MLIP: variants seen among roughly 807,000 people sequenced by gnomAD.
The protein encoded by MLIP is muscular LMNA-interacting protein.
MLIP carries 79 observed loss-of-function variants against 84.8 expected under a neutral mutation model. The observed-to-expected ratio is 0.93, with a 90% CI of 0.78 to 1.12. MLIP has a LOEUF of 1.12. Among genes scored for constraint, MLIP ranks in the 50% most tolerant of loss-of-function variants. The pLI, the probability that MLIP is intolerant of heterozygous loss-of-function variation, is 0.00. For missense variants in MLIP, 1,257 were observed against 1,160.6 expected, an observed-to-expected ratio of 1.08 and a Z score of -1.21; for synonymous variants, 504 against 463.0, an observed-to-expected ratio of 1.09 and a Z score of -1.14.
At chr6:54,111,798 A>T (rs892008365) in intron 1 of MLIP, among the ~76,000 whole-genome samples, 2 of 152,204 alleles carry the variant, frequency 1.3e-5, no homozygotes, top group African/African-American at 4.8e-5. Flanking sequence ...TGGCACAGTG[A>T]TAATGTAAGA....
chr6:54,046,543 A>T lies in MLIP; in HGVS notation c.63+27452A>T, dbSNP rs1765064866. 5.9e-5 allele frequency: 9 copies of T among 152,322 alleles called. No individual in the cohort carries two copies. In the South Asian group the frequency reaches 1.9e-3, roughly 32 times the overall value. The allele number at this position is 152,322 out of a possible 1,614,324, so 9.4% of individuals were successfully genotyped here. A position where few individuals can be genotyped will look rare whatever the true frequency, so the allele number is the denominator to read the frequency against. On this transcript the variant is annotated intron_variant, in intron 1 of 12. Transcript: ENST00000274897. ...TAAACATGCTAATAAGCCATATTTA[A>T]TATCTCCATGGTTTTGTATTGCACA... is the stretch of plus-strand genomic sequence containing the variant.
intron 12 of MLIP, among the ~76,000 whole-genome samples, chr6:54,232,353 A>G (rs1281909021): frequency 2.0e-5 from 3 of 152,150 alleles, no homozygotes; most frequent in South Asian, 2.1e-4. Flanking sequence ...AGGATAGACT[A>G]TATTTCATCC....
At chr6:54,023,056 G>A (rs925177129) in intron 1 of MLIP, among the ~76,000 whole-genome samples, 9 of 151,806 alleles carry the variant, frequency 5.9e-5, no homozygotes, top group African/African-American at 2.2e-4. Context: ...AGTCCCAGCT[G>A]CTCGGGAGGC....
At chr6:54,083,377 T>C (rs1767285083) in intron 1 of MLIP, 3 of 1,135,428 alleles carry the variant, frequency 2.6e-6, no homozygotes, top group African/African-American at 3.1e-5. Context: ...AACAGATGCA[T>C]TGCTATTTCC....
intron 5 of MLIP, among the ~76,000 whole-genome samples, chr6:54,154,070 AT>A (rs1272860351): frequency 6.6e-6 from 1 of 152,110 alleles, no homozygotes; most frequent in East Asian, 1.9e-4. Context: ...ATTTAAAAAA[AT>A]TATCAAATTG....
intron 1 of MLIP, among the ~76,000 whole-genome samples, chr6:54,024,219 T>G (rs1317202845): frequency 6.6e-6 from 1 of 151,928 alleles, no homozygotes; most frequent in Non-Finnish European, 1.5e-5. Context: ...ACCATATTGG[T>G]CAGGCTAGTT....
intron 10 of MLIP, among the ~76,000 whole-genome samples, chr6:54,199,674 T>C (rs548259396): frequency 6.6e-6 from 1 of 152,212 alleles, no homozygotes; most frequent in East Asian, 1.9e-4. Context: ...TTGAAAGGTA[T>C]GGTTAAAGAT....
chr6:54,207,828 C>A (rs935756067), intron 11 of MLIP, among the ~76,000 whole-genome samples: 1 of 152,168 alleles, frequency 6.6e-6, no homozygotes, highest in African/African-American at 2.4e-5. Flanking sequence ...TATTTAGAAC[C>A]TCTCATACAA....
intron 12 of MLIP, among the ~76,000 whole-genome samples, chr6:54,248,549 G>T (rs1782241791): frequency 6.6e-6 from 1 of 152,084 alleles, no homozygotes; most frequent in Non-Finnish European, 1.5e-5. Flanking sequence ...TCAACAATAG[G>T]ATGTGGTATT....
chr6:54,175,120 T>C (rs1478845302), intron 9 of MLIP, among the ~76,000 whole-genome samples: 3 of 152,114 alleles, frequency 2.0e-5, no homozygotes, highest in Non-Finnish European at 4.4e-5. Context: ...TCTGTTTTTA[T>C]GCCAGTACCA....
intron 1 of MLIP, among the ~76,000 whole-genome samples, chr6:54,023,171 A>G (rs12201801): frequency 6.2e-5 from 2 of 32,268 alleles, no homozygotes; most frequent in African/African-American, 1.7e-4. Context: ...CATCTCAAAA[A>G]ATAATAATAA....
intron 12 of MLIP, among the ~76,000 whole-genome samples, chr6:54,244,853 T>C (rs1412012915): frequency 3.3e-5 from 5 of 152,198 alleles, no homozygotes; most frequent in Non-Finnish European, 7.4e-5. Context: ...ATTGGACATA[T>C]AGTATCTAGC....
At chr6:54,221,310 C>T (rs3957360) in intron 11 of MLIP, among the ~76,000 whole-genome samples, 127,203 of 152,060 alleles carry the variant, frequency 0.84, 53,749 homozygotes, top group East Asian at 0.98. Flanking sequence ...TCCAGGAAAT[C>T]CATTTGCTAT....
intron 11 of MLIP, chr6:54,218,014 G>A (rs1316199539): frequency 1.2e-5 from 12 of 985,106 alleles, no homozygotes; most frequent in African/African-American, 1.7e-5. Flanking sequence ...CTCAAACAGG[G>A]GTCACAAACT....
chr6:54,083,964 T>A (rs1767327789), intron 1 of MLIP, among the ~76,000 whole-genome samples: 3 of 152,340 alleles, frequency 2.0e-5, no homozygotes, highest in African/African-American at 7.2e-5. Context: ...TGAGATTATA[T>A]ATTTTTTAAT....
intron 1 of MLIP, among the ~76,000 whole-genome samples, chr6:54,090,489 A>G (rs749205505): frequency 2.6e-5 from 4 of 152,180 alleles, no homozygotes; most frequent in Non-Finnish European, 4.4e-5. Context: ...TTCTGTCTAG[A>G]ACAACTTCCC....
At chr6:54,120,059 A>C (rs768927098) in intron 1 of MLIP, among the ~76,000 whole-genome samples, 5 of 152,112 alleles carry the variant, frequency 3.3e-5, no homozygotes, top group Non-Finnish European at 7.4e-5. Context: ...AAACAAACAA[A>C]AGCACCCTGT....
chr6:54,047,931 G>C (rs1765161325), intron 1 of MLIP, among the ~76,000 whole-genome samples: 1 of 152,128 alleles, frequency 6.6e-6, no homozygotes, highest in Non-Finnish European at 1.5e-5. Flanking sequence ...CACAAACTCA[G>C]GACTGTGCTC....
At position 54,253,435 on chromosome 6, in the gene MLIP, A is replaced by G. The variant is rs759680518; in HGVS notation, c.2923-3873A>G. On this transcript the variant is annotated intron_variant, in intron 12 of 13. Coordinates refer to ENST00000502396, the MANE Select transcript of MLIP (RefSeq NM_001281747.2). ...CCCATGGTGATTTTAAAATGTTAAA[A>G]CTTCCCGTAACACTCCCTCAGCTTC... Among the ~76,000 whole-genome samples, 3 of 152,124 alleles carry G rather than the reference A, an allele frequency of 2.0e-5. No individual in the cohort carries two copies. In the South Asian group the frequency reaches 6.2e-4, roughly 31 times the overall value.
Sources: gnomAD v4.1 joint callset for allele counts (sites outside exome capture counted in the v4.1 genomes callset) on GRCh38, gnomAD v4.1.1 for gene constraint, MANE v1.5 for transcripts, NCBI Gene and HGNC (gene_info 2026-07-23, HGNC 2026-07-21) for gene names.